FAN1: variants seen among roughly 807,000 people sequenced by gnomAD.
FAN1 encodes the protein fanconi-associated nuclease 1.
FAN1 carries 91 observed loss-of-function variants against 104.9 expected under a neutral mutation model. The observed-to-expected ratio is 0.87, with a 90% confidence interval of 0.73 to 1.03. The LOEUF (loss-of-function observed/expected upper bound fraction) is 1.03. Among genes scored for constraint, FAN1 ranks in the 50% least tolerant of loss-of-function variants. The pLI, the probability that FAN1 is intolerant of heterozygous loss-of-function variation, is 0.00. For synonymous variants in FAN1, 478 were observed against 457.6 expected (o/e 1.04, Z -0.57); for missense variants, 1,263 against 1,239.9 (o/e 1.02, Z -0.28).
intron 8 of FAN1, among the ~76,000 whole-genome samples, chr15:30,923,226 G>A (rs943841242): frequency 6.6e-6 from 1 of 152,188 alleles, no homozygotes; most frequent in Non-Finnish European, 1.5e-5. Context: ...GAAAGAGCCA[G>A]TAAAGCTATT....
intron 12 of FAN1, among the ~76,000 whole-genome samples, chr15:30,930,250 G>A (rs748950606): frequency 1.3e-5 from 2 of 151,738 alleles, no homozygotes; most frequent in Non-Finnish European, 2.9e-5. Flanking sequence ...ATGCTGTCGC[G>A]TTCCTGAGTG....
chr15:30,924,563 GTTTA>G (rs1420310028), intron 8 of FAN1, among the ~76,000 whole-genome samples: 1 of 152,142 alleles, frequency 6.6e-6, no homozygotes, highest in African/African-American at 2.4e-5. Context: ...TTCTGTGTTT[GTTTA>G]TTTGTCTGAC....
chr15:30,925,820 G>C lies in FAN1; in HGVS notation c.2369G>C (p.Arg790Pro). ...ATCACAGGCAGGCTGTGCCCACAGC[G>C]TGGGATGTGCAAGTCTGTGTTTGTG... ...VTITGRLCPQ[R>P]GMCKSVFVME... Residue 790 changes from arginine (R) to proline (P), a missense_variant, in exon 10 of 15, where the codon CGT becomes CCT. Coordinates refer to ENST00000362065, the MANE Select transcript of FAN1 (RefSeq NM_014967.5). The C allele has an allele frequency of 6.2e-7, 1 of 1,614,190 alleles. No individual in the cohort carries two copies. The highest frequency in any genetic ancestry group is 8.5e-7 in the Non-Finnish European group (1 of 1,180,034).
At chr15:30,911,493 G>T in intron 4 of FAN1, 1 of 983,998 alleles carries the variant, frequency 1.0e-6, no homozygotes, top group Non-Finnish European at 1.2e-6. Context: ...TGTTGGGGAG[G>T]TGCTATAAAT....
Position 30,904,759 on chromosome 15 carries a change from G to T in FAN1, c.96G>T (p.Ser32=). 1 of 1,613,118 alleles carries T rather than the reference G, an allele frequency of 6.2e-7. No individual in the cohort carries two copies. The highest frequency in any genetic ancestry group is 1.3e-5 in the African/African-American group (1 of 75,000). The part of the protein sequence containing the change: ...NKKKASNSII[S]CFNNAPPAKL... ...AAAAAGCATCTAATTCTATTATTTCGTGTTTTAACAATGCACCACCTGCTA... is the reference window on the plus strand; with the variant it reads ...AAAAAGCATCTAATTCTATTATTTCTTGTTTTAACAATGCACCACCTGCTA... The change falls in exon 2 of 15, where the codon TCG becomes TCT. Residue 32 remains serine, a synonymous_variant. Transcript: ENST00000362065.
chr15:30,906,843 A>G (rs148265312), intron 2 of FAN1, among the ~76,000 whole-genome samples: 1,823 of 152,304 alleles, frequency 0.012, 9 homozygotes, highest in Middle Eastern at 0.017. Context: ...AGATGGACAT[A>G]ATAGCACATT....
intron 10 of FAN1, chr15:30,927,765 G>T: frequency 2.0e-6 from 2 of 985,938 alleles, no homozygotes; most frequent in Non-Finnish European, 2.4e-6. Context: ...GTGCAGAGAA[G>T]TACGGACTTG....
intron 13 of FAN1, among the ~76,000 whole-genome samples, chr15:30,935,534 TTATAAG>T (rs1487821860): frequency 1.3e-5 from 2 of 152,106 alleles, no homozygotes; most frequent in East Asian, 3.9e-4. Context: ...ATATTAGGTA[TTATAAG>T]TAGAGATGAT....
chr15:30,910,552 T>G, intron 3 of FAN1, 62 bp from the exon 4 acceptor site: 1 of 1,035,064 alleles, frequency 9.7e-7, no homozygotes, highest in Non-Finnish European at 1.4e-6. Flanking sequence ...TTCATCTAAC[T>G]AAGGTAAATA....
rs572273830 is a variant in FAN1, at chr15:30,942,240, A to G, written c.*678A>G. 15 of 867,920 alleles carry G rather than the reference A, an allele frequency of 1.7e-5. No homozygotes were observed. The highest frequency in any genetic ancestry group is 2.5e-5 in the Non-Finnish European group (14 of 571,112). 53.8% of individuals were successfully genotyped at this position (867,920 alleles called of 1,614,324 possible). ...CTTATTCTAATCCTCCTCCCCTGGA[A>G]TTACACTTTTTTATGTGTTGACTCT... On this transcript the variant is annotated 3_prime_UTR_variant, in exon 15 of 15. Coordinates refer to ENST00000362065, the MANE Select transcript of FAN1 (RefSeq NM_014967.5).
intron 8 of FAN1, among the ~76,000 whole-genome samples, chr15:30,924,034 T>TGTG: frequency 6.6e-6 from 1 of 152,336 alleles, no homozygotes; most frequent in Non-Finnish European, 1.5e-5. Flanking sequence ...ACGTCTCATC[T>TGTG]ACTTTTTGTG....
Position 30,929,818 on chromosome 15 carries a change from A to T in FAN1, c.2787+421A>T, listed in dbSNP as rs1330680478. Among the ~76,000 whole-genome samples the T allele has an allele frequency of 1.3e-4, 6 of 44,924 alleles. 1 individual carries two copies. The Admixed American group carries it at 1.6e-3, about 12-fold the overall frequency. The allele number at this position is 44,924 out of a possible 152,430, so 29.5% of individuals were successfully genotyped here. ...ATATAATATATAAAATATATAATAT[A>T]TTATATCATATATAATATAATATAT... On this transcript the variant is annotated intron_variant, in intron 12 of 14. Coordinates refer to ENST00000362065, the MANE Select transcript of FAN1 (RefSeq NM_014967.5).
rs866545347 is a variant in FAN1, at chr15:30,942,930, C to T, written c.*1368C>T. On this transcript the variant is annotated 3_prime_UTR_variant, in exon 15 of 15. Transcript: ENST00000362065. Reference sequence around the variant, plus strand: ...AGACTTCACGGAGCCATTCTGTATACAAGGTGTGCTCTTTCCAATGTAGAA... The same window carrying T: ...AGACTTCACGGAGCCATTCTGTATATAAGGTGTGCTCTTTCCAATGTAGAA... 3 of 1,568,108 alleles carry T rather than the reference C, an allele frequency of 1.9e-6. No individual in the cohort carries two copies. The highest frequency in any genetic ancestry group is 1.9e-5 in the Admixed American group (1 of 53,324).
intron 5 of FAN1, among the ~76,000 whole-genome samples, chr15:30,916,156 A>G (rs897187825): frequency 7.9e-5 from 12 of 152,118 alleles, no homozygotes; most frequent in Non-Finnish European, 1.6e-4. Flanking sequence ...CCCTGTTTTC[A>G]GTTGTCTCAT....
chr15:30,904,433 C>G lies in FAN1; in HGVS notation c.-152-79C>G. On this transcript the variant is annotated intron_variant, in intron 1 of 14. Transcript: ENST00000362065. Reference sequence around the variant, plus strand: ...TCTCCTCGTTACAGGAGACCTTGCTCTTAAACGTTTCAGAGTTCGCTTTTC... The same window carrying G: ...TCTCCTCGTTACAGGAGACCTTGCTGTTAAACGTTTCAGAGTTCGCTTTTC... 5 of 612,942 alleles carry G rather than the reference C, an allele frequency of 8.2e-6. No individual in the cohort carries two copies. The South Asian group carries it at 9.4e-5, about 12-fold the overall frequency. 38.0% of individuals were successfully genotyped at this position (612,942 alleles called of 1,614,324 possible). A position where few individuals can be genotyped will look rare whatever the true frequency, so the allele number is the denominator to read the frequency against.
chr15:30,940,194 G>A (rs1419214951), intron 14 of FAN1: 1 of 985,216 alleles, frequency 1.0e-6, no homozygotes, highest in Non-Finnish European at 1.2e-6. Context: ...TGGGGGAGGT[G>A]GTGCCCCGTT....
chr15:30,932,095 G>A (rs1450288110), intron 13 of FAN1, among the ~76,000 whole-genome samples: 2 of 151,560 alleles, frequency 1.3e-5, no homozygotes, highest in Non-Finnish European at 2.9e-5. Context: ...GGTGGCGGGC[G>A]CCTGTAGTCC....
intron 1 of FAN1, among the ~76,000 whole-genome samples, chr15:30,904,232 T>TAA (rs771985562): frequency 1.5e-4 from 23 of 152,212 alleles, no homozygotes; most frequent in Non-Finnish European, 3.1e-4. Flanking sequence ...AGTGGTCTTG[T>TAA]AAAGGGTCTG....
Position 30,905,689 on chromosome 15 carries a change from G to C in FAN1, c.1026G>C (p.Gln342His), listed in dbSNP as rs1179069401. The change falls in exon 2 of 15, where the codon CAG becomes CAC. Residue 342 changes from glutamine to histidine, a missense_variant. Gln to His is a conservative substitution (Grantham distance 24). This residue lies in a region of FAN1 where 682 missense variants were observed against 571.1 expected (regional missense o/e 1.19). Transcript: ENST00000362065. ...GTAACATCCAAGAGGCTCCTCTGCAGGATGACAGTTGCTTAAACAATGATA... is the reference window on the plus strand; with the variant it reads ...GTAACATCCAAGAGGCTCCTCTGCACGATGACAGTTGCTTAAACAATGATA... The part of the protein sequence containing the change: ...AWSNIQEAPL[Q>H]DDSCLNNDIP... The C allele has an allele frequency of 6.2e-7, 1 of 1,614,168 alleles. No individual in the cohort carries two copies. The highest frequency in any genetic ancestry group is 8.5e-7 in the Non-Finnish European group (1 of 1,180,022).
Sources: gnomAD v4.1 joint callset for allele counts (sites outside exome capture counted in the v4.1 genomes callset) on GRCh38, gnomAD v4.1.1 for gene constraint, gnomAD v4.1.1 regional missense constraint, MANE v1.5 for transcripts, NCBI Gene and HGNC (gene_info 2026-07-23, HGNC 2026-07-21) for gene names.